The following UGT2B10 variants were observed in gnomAD, a reference collection of about 807,000 sequenced individuals.
The protein encoded by UGT2B10 is UDP-glucuronosyltransferase 2B10.
In UGT2B10, 51 loss-of-function variants were observed where a neutral mutation model predicts 43.7. That is an observed-to-expected ratio of 1.17 (90% CI 0.93 to 1.47). UGT2B10 has a LOEUF of 1.47. UGT2B10 is among the 40% of genes most tolerant of loss of function. The probability of loss-of-function intolerance (pLI) is 0.00; values close to 1 mark genes in which losing one functional copy is unlikely to be tolerated. For missense variants in UGT2B10, 696 were observed against 617.7 expected (o/e 1.13, Z -1.34); for synonymous variants, 225 against 209.0 (o/e 1.08, Z -0.66).
rs368027243 is a variant in UGT2B10 at position 68,830,665 on chromosome 4, G to A, written c.1373G>A (p.Arg458Gln). 14 of 1,613,102 alleles carry A rather than the reference G, an allele frequency of 8.7e-6. No homozygotes were observed. Among genetic ancestry groups the A allele is most frequent in the African/African-American group, 5.3e-5 (4 of 74,848 alleles). Reference protein sequence around the residue: ...QHDQPVKPLDRAVFWIEFVMR... With the variant: ...QHDQPVKPLDQAVFWIEFVMR... ...GATCAACCAGTGAAGCCCCTGGATC[G>A]AGCAGTCTTCTGGATTGAATTTGTC... The change falls in exon 6 of 6, where the codon CGA becomes CAA. Residue 458 changes from arginine (R) to glutamine (Q), a missense_variant. Coordinates refer to ENST00000265403, the MANE Select transcript of UGT2B10 (RefSeq NM_001075.6).
chr4:68,822,211 C>T (rs1240761031), intron 2 of UGT2B10, 60 bp from the exon 3 acceptor site: 49 of 1,579,944 alleles, frequency 3.1e-5, no homozygotes, highest in South Asian at 9.4e-5. Flanking sequence ...CCAATTCTTT[C>T]GGTAGTGCCT....
chr4:68,827,219 G>A, intron 4 of UGT2B10, 110 bp from the exon 5 acceptor site: 1 of 1,545,000 alleles, frequency 6.5e-7, no homozygotes, highest in East Asian at 2.3e-5. Context: ...AAAAGTAATA[G>A]CAAATTAGTT....
rs759959947 is a variant in UGT2B10 at position 68,816,644 on chromosome 4, A to C, written c.625A>C (p.Arg209=). The change falls in exon 1 of 6, where the codon AGG becomes CGG. Residue 209 remains arginine (R), a synonymous_variant. Transcript: ENST00000265403. The part of the protein sequence containing the change: ...KLSDQMTFME[R]VKNMLYVLYF... Reference sequence around the variant, plus strand: ...AAGTGATCAAATGACTTTCATGGAGAGGGTAAAAAATATGCTCTATGTGCT... The same window carrying C: ...AAGTGATCAAATGACTTTCATGGAGCGGGTAAAAAATATGCTCTATGTGCT... 6.2e-7 allele frequency: 1 copy of C among 1,612,704 alleles called. No individual in the cohort carries two copies. Among genetic ancestry groups the C allele is most frequent in the African/African-American group, 1.3e-5 (1 of 74,870 alleles).
At chr4:68,829,123 T>TCTA (rs1430092101) in intron 5 of UGT2B10, among the ~76,000 whole-genome samples, 1 of 151,970 alleles carries the variant, frequency 6.6e-6, no homozygotes, top group Non-Finnish European at 1.5e-5. Flanking sequence ...AACAGAAATA[T>TCTA]CTATTCAACA....
chr4:68,818,982 A>G (rs1387487279), intron 2 of UGT2B10, among the ~76,000 whole-genome samples: 2 of 151,922 alleles, frequency 1.3e-5, no homozygotes, highest in East Asian at 3.9e-4. Context: ...ATTAAATTGC[A>G]GAAGGGCCAG....
intron 1 of UGT2B10, among the ~76,000 whole-genome samples, chr4:68,817,315 T>C (rs1178743784): frequency 2.6e-5 from 4 of 151,844 alleles, no homozygotes; most frequent in African/African-American, 4.8e-5. Flanking sequence ...GGAAATCTTT[T>C]ATTTAAAGTC....
rs1176833824 is a variant in UGT2B10 at position 68,831,462 on chromosome 4, A to G, written c.*583A>G. 2.0e-5 allele frequency among the ~76,000 whole-genome samples: 3 copies of G among 152,254 alleles called. No individual in the cohort carries two copies. Among genetic ancestry groups the G allele is most frequent in the African/African-American group, 7.2e-5 (3 of 41,562 alleles). On this transcript the variant is annotated 3_prime_UTR_variant, in exon 6 of 6. Coordinates refer to ENST00000265403, the MANE Select transcript of UGT2B10 (RefSeq NM_001075.6). ...AAAGAGTCACTAACATAAAAGAAGA[A>G]TGGGATGAGGTGAGAAGGATGAATA...
intron 5 of UGT2B10, among the ~76,000 whole-genome samples, chr4:68,829,668 C>A (rs1737984774): frequency 1.3e-5 from 2 of 151,994 alleles, no homozygotes; most frequent in South Asian, 4.2e-4. Context: ...AGAAGCATGC[C>A]TTGGGTATAG....
chr4:68,826,863 C>T (rs892557529), intron 4 of UGT2B10, among the ~76,000 whole-genome samples: 2 of 152,192 alleles, frequency 1.3e-5, no homozygotes, highest in Non-Finnish European at 1.5e-5. Context: ...CTTCTATCAC[C>T]AGTGACTGTA....
chr4:68,819,500 G>A (rs1478167449), intron 2 of UGT2B10, among the ~76,000 whole-genome samples: 1 of 151,384 alleles, frequency 6.6e-6, no homozygotes, highest in Non-Finnish European at 1.5e-5. Flanking sequence ...TCAAATATGT[G>A]CAGACAAACA....
chr4:68,822,528 C>T, intron 3 of UGT2B10, 126 bp downstream of exon 3: 1 of 1,560,476 alleles, frequency 6.4e-7, no homozygotes, highest in African/African-American at 1.4e-5. Context: ...CTTAAATATG[C>T]TTGTATAGCA....
chr4:68,826,131 GTTC>G (rs1438057293), intron 3 of UGT2B10, among the ~76,000 whole-genome samples: 1 of 151,910 alleles, frequency 6.6e-6, no homozygotes, highest in Non-Finnish European at 1.5e-5. Flanking sequence ...GCCGCAGGTA[GTTC>G]TTCTTTTAAA....
chr4:68,826,561 T>C (rs1044982334), intron 4 of UGT2B10, 64 bp downstream of exon 4: 1 of 1,512,752 alleles, frequency 6.6e-7, no homozygotes, highest in African/African-American at 1.4e-5. Flanking sequence ...TAATAGTTCA[T>C]CTCGAAGCAT....
At chr4:68,828,548 A>G (rs1737919175) in intron 5 of UGT2B10, among the ~76,000 whole-genome samples, 1 of 152,034 alleles carries the variant, frequency 6.6e-6, no homozygotes, top group African/African-American at 2.4e-5. Context: ...AGAAATATAA[A>G]ACAAAGTGGT....
chr4:68,820,333 A>G (rs1276196838), intron 2 of UGT2B10, among the ~76,000 whole-genome samples: 2 of 152,204 alleles, frequency 1.3e-5, no homozygotes, highest in East Asian at 3.9e-4. Flanking sequence ...AGATTCTCAG[A>G]TAATTTCTAT....
chr4:68,816,522 T>C lies in UGT2B10; in HGVS notation c.503T>C (p.Val168Ala), dbSNP rs760899393. 1 of 1,613,222 alleles carries C rather than the reference T, an allele frequency of 6.2e-7. No homozygotes were observed. Among genetic ancestry groups the C allele is most frequent in the Non-Finnish European group, 8.5e-7 (1 of 1,179,408 alleles). Residue 168 changes from valine to alanine, a missense_variant, in exon 1 of 6, where the codon GTG (valine) becomes GCG (alanine). Transcript: ENST00000265403. The stretch of plus-strand genomic sequence containing the variant: ...GCTGAGCTATTTAACATACCCTTTG[T>C]GTACAGTCACAGCTTCAGTCCTGGC... ...LLAELFNIPF[V>A]YSHSFSPGYS... is the part of the protein sequence containing the mutation.
intron 3 of UGT2B10, among the ~76,000 whole-genome samples, chr4:68,824,651 GC>G (rs1437261801): frequency 6.6e-6 from 1 of 152,128 alleles, no homozygotes; most frequent in African/African-American, 2.4e-5. Flanking sequence ...CAGTGATGTA[GC>G]AAATAAAATT....
intron 2 of UGT2B10, among the ~76,000 whole-genome samples, chr4:68,818,994 C>T (rs1397244262): frequency 1.3e-5 from 2 of 151,818 alleles, no homozygotes; most frequent in African/African-American, 4.8e-5. Context: ...AAGGGCCAGA[C>T]TGTAAAGACC....
In UGT2B10 at chr4:68,816,456, T is replaced by C. The variant is rs756682834; in HGVS notation, c.437T>C (p.Ile146Thr). ...AAACTACAAGAGTCAAGATTTGACA[T>C]CGTTTTTGCAGATGCTTATTTACCC... ...MKKLQESRFDIVFADAYLPCG... is the reference protein window; with the variant it reads ...MKKLQESRFDTVFADAYLPCG... Residue 146 changes from isoleucine (I) to threonine (T), a missense_variant, in exon 1 of 6, where the codon ATC becomes ACC. By Grantham distance (89) the Ile-to-Thr change is moderately conservative (BLOSUM62 -1). Transcript: ENST00000265403. The C allele has an allele frequency of 5.6e-6, 9 of 1,613,238 alleles. No homozygotes were observed. The highest frequency in any genetic ancestry group is 7.6e-6 in the Non-Finnish European group (9 of 1,179,466).
Sources: allele counts gnomAD v4.1 joint callset (sites outside exome capture counted in the v4.1 genomes callset), GRCh38; gene constraint gnomAD v4.1.1; transcripts MANE v1.5; gene names NCBI Gene and HGNC (gene_info 2026-07-23, HGNC 2026-07-21).